Variants in GALNT17 observed in about 807,000 individuals in gnomAD.
GALNT17 encodes the protein polypeptide N-acetylgalactosaminyltransferase 17.
A neutral mutation model predicts 63.7 loss-of-function variants in GALNT17; 29 were observed. The observed-to-expected ratio is 0.46, with a 90% CI of 0.34 to 0.62. GALNT17 has a LOEUF of 0.62. Among genes scored for constraint, GALNT17 ranks in the 20% least tolerant of loss-of-function variants. GALNT17 has a pLI of 0.01. For missense variants in GALNT17, 603 were observed against 799.6 expected (o/e 0.75, Z 2.97); for synonymous variants, 305 against 318.3 (o/e 0.96, Z 0.45).
intron 2 of GALNT17, among the ~76,000 whole-genome samples, chr7:71,373,010 T>C (rs934587216): frequency 6.6e-6 from 1 of 152,216 alleles, no homozygotes; most frequent in Non-Finnish European, 1.5e-5. Context: ...TTTGATAACA[T>C]GCTTCTTTAT....
intron 2 of GALNT17, among the ~76,000 whole-genome samples, chr7:71,358,192 A>G (rs1000405535): frequency 2.6e-5 from 4 of 152,152 alleles, no homozygotes; most frequent in African/African-American, 9.7e-5. Context: ...CCACGAGCCC[A>G]CAGGCGGGAA....
chr7:71,555,603 T>C (rs552395145), intron 5 of GALNT17, among the ~76,000 whole-genome samples: 173 of 152,192 alleles, frequency 1.1e-3, no homozygotes, highest in Admixed American at 3.6e-3. Flanking sequence ...ATATCAGCCT[T>C]TTTTGGCATT....
At chr7:71,391,415 G>A (rs1247415714) in intron 3 of GALNT17, among the ~76,000 whole-genome samples, 4 of 152,208 alleles carry the variant, frequency 2.6e-5, no homozygotes, top group Admixed American at 2.0e-4. Context: ...GGGTTCAGTA[G>A]GTGTATTAGT....
At chr7:71,320,035 G>T (rs915719303) in intron 1 of GALNT17, among the ~76,000 whole-genome samples, 1 of 152,126 alleles carries the variant, frequency 6.6e-6, no homozygotes, top group African/African-American at 2.4e-5. Context: ...AGCAAGTCTC[G>T]TGGCCAAGCT....
intron 5 of GALNT17, among the ~76,000 whole-genome samples, chr7:71,552,582 A>G (rs1005887727): frequency 6.6e-6 from 1 of 151,656 alleles, no homozygotes; most frequent in African/African-American, 2.4e-5. Context: ...CTAGGACTAC[A>G]GGCCCGTGCC....
At chr7:71,258,251 T>C (rs1466039753) in intron 1 of GALNT17, among the ~76,000 whole-genome samples, 1 of 152,232 alleles carries the variant, frequency 6.6e-6, no homozygotes, top group Non-Finnish European at 1.5e-5. Context: ...AAGAAGCATT[T>C]GCTTCTTGCA....
chr7:71,603,651 G>A (rs559028560), intron 6 of GALNT17, among the ~76,000 whole-genome samples: 88 of 139,598 alleles, frequency 6.3e-4, no homozygotes, highest in African/African-American at 2.1e-3. Flanking sequence ...CTAAGTGCAT[G>A]CACTAAGTAC....
chr7:71,395,884 G>C (rs1793129452), intron 3 of GALNT17, among the ~76,000 whole-genome samples: 2 of 152,060 alleles, frequency 1.3e-5, no homozygotes, highest in Non-Finnish European at 2.9e-5. Flanking sequence ...TTTTTCATTA[G>C]TCTATCTTCT....
At chr7:71,386,618 G>A (rs1263901035) in intron 2 of GALNT17, among the ~76,000 whole-genome samples, 1 of 152,184 alleles carries the variant, frequency 6.6e-6, no homozygotes, top group Non-Finnish European at 1.5e-5. Flanking sequence ...TGGAGCCGTG[G>A]AGAAGGCCAA....
intron 5 of GALNT17, among the ~76,000 whole-genome samples, chr7:71,460,942 A>G (rs1787442001): frequency 6.6e-6 from 1 of 152,130 alleles, no homozygotes; most frequent in East Asian, 1.9e-4. Context: ...CAAGGTCTTT[A>G]TGACCTGTAT....
chr7:71,701,721 G>A (rs1791634696), intron 9 of GALNT17, among the ~76,000 whole-genome samples: 1 of 140,630 alleles, frequency 7.1e-6, no homozygotes, highest in Non-Finnish European at 1.5e-5. Flanking sequence ...AAAATGTGGT[G>A]TATGTATATA....
intron 6 of GALNT17, among the ~76,000 whole-genome samples, chr7:71,590,406 A>G (rs1169111432): frequency 1.3e-5 from 2 of 152,196 alleles, no homozygotes; most frequent in African/African-American, 4.8e-5. Flanking sequence ...GGAAGCATCC[A>G]TCTATTTTTA....
At chr7:71,445,745 C>T (rs1354131782) in intron 5 of GALNT17, among the ~76,000 whole-genome samples, 1 of 152,164 alleles carries the variant, frequency 6.6e-6, no homozygotes, top group African/African-American at 2.4e-5. Flanking sequence ...CTTACCTCTC[C>T]CAGCTCCCTG....
intron 1 of GALNT17, among the ~76,000 whole-genome samples, chr7:71,332,675 G>A (rs1791827392): frequency 6.8e-6 from 1 of 146,524 alleles, no homozygotes; most frequent in Admixed American, 6.8e-5. Context: ...GTTTTTGTTT[G>A]TTTTTGTTTG....
intron 5 of GALNT17, among the ~76,000 whole-genome samples, chr7:71,562,349 C>T (rs1310858959): frequency 6.6e-6 from 1 of 152,138 alleles, no homozygotes; most frequent in Non-Finnish European, 1.5e-5. Flanking sequence ...CATTGATGTA[C>T]AACACAGGGA....
At chr7:71,528,465 A>G (rs1788660902) in intron 5 of GALNT17, among the ~76,000 whole-genome samples, 1 of 152,192 alleles carries the variant, frequency 6.6e-6, no homozygotes. Context: ...GTTCCATGTC[A>G]TCTACAGGCT....
chr7:71,638,587 G>C (rs1288032815), intron 6 of GALNT17, among the ~76,000 whole-genome samples: 1 of 152,220 alleles, frequency 6.6e-6, no homozygotes, highest in African/African-American at 2.4e-5. Flanking sequence ...GGCATGGGTA[G>C]TCCTTGAGGT....
chr7:71,517,003 C>T (rs1187511829), intron 5 of GALNT17, among the ~76,000 whole-genome samples: 1 of 152,228 alleles, frequency 6.6e-6, no homozygotes, highest in African/African-American at 2.4e-5. Flanking sequence ...TATTCTATTT[C>T]TTGTCGCCAT....
intron 5 of GALNT17, among the ~76,000 whole-genome samples, chr7:71,562,331 G>T (rs921313263): frequency 5.3e-5 from 8 of 152,028 alleles, no homozygotes; most frequent in Non-Finnish European, 8.8e-5. Flanking sequence ...CATACCTACA[G>T]CCTCACTCAT....
Sources: allele counts gnomAD v4.1 joint callset (sites outside exome capture counted in the v4.1 genomes callset), GRCh38; gene constraint gnomAD v4.1.1; transcripts MANE v1.5; gene names NCBI Gene and HGNC (gene_info 2026-07-23, HGNC 2026-07-21).